Variants in PRR5L observed in about 807,000 individuals in gnomAD.
PRR5L encodes the protein proline-rich protein 5-like.
Under a neutral mutation model 36.4 loss-of-function variants are expected in PRR5L, and 21 were observed. The ratio of observed to expected loss-of-function variants is 0.58; its 90% confidence interval spans 0.41 to 0.83. PRR5L has a LOEUF of 0.83. PRR5L is among the 40% of genes least tolerant of loss of function. The pLI is 0.00. For synonymous variants in PRR5L, 188 were observed against 197.0 expected (o/e 0.95, Z 0.38); for missense variants, 381 against 473.3 (o/e 0.80, Z 1.81).
intron 4 of PRR5L, among the ~76,000 whole-genome samples, chr11:36,431,455 CT>C (rs35379496): frequency 0.1 from 15,762 of 151,092 alleles, 1,090 homozygotes; most frequent in East Asian, 0.19. Flanking sequence ...CTAAATTTAT[CT>C]TTTTTTTTAA....
intron 6 of PRR5L, among the ~76,000 whole-genome samples, chr11:36,443,313 A>G (rs554408517): frequency 6.6e-6 from 1 of 152,284 alleles, no homozygotes; most frequent in East Asian, 1.9e-4. Flanking sequence ...ACTTATCACC[A>G]AGGGGAGGGC....
chr11:36,394,676 TCTC>T (rs748879261), intron 1 of PRR5L, among the ~76,000 whole-genome samples: 8 of 152,162 alleles, frequency 5.3e-5, no homozygotes, highest in Non-Finnish European at 7.3e-5. Flanking sequence ...GTCTGTGTCT[TCTC>T]CTCTTCTGTC....
At chr11:36,353,115 ATTG>A (rs1856992374) in intron 1 of PRR5L, among the ~76,000 whole-genome samples, 1 of 152,162 alleles carries the variant, frequency 6.6e-6, no homozygotes, top group African/African-American at 2.4e-5. Flanking sequence ...TGTCACCCAC[ATTG>A]TAGGATGTTT....
chr11:36,445,117 G>T (rs974223648), intron 6 of PRR5L, among the ~76,000 whole-genome samples: 1 of 152,004 alleles, frequency 6.6e-6, no homozygotes, highest in Non-Finnish European at 1.5e-5. Flanking sequence ...GGATGTGGGG[G>T]GTCAGGGGAT....
At chr11:36,375,198 T>C (rs2133516817) in intron 1 of PRR5L, among the ~76,000 whole-genome samples, 1 of 150,576 alleles carries the variant, frequency 6.6e-6, no homozygotes. Context: ...ATCATGCCAC[T>C]GCACTCCAGC....
At chr11:36,426,486 A>C (rs904145810) in intron 4 of PRR5L, among the ~76,000 whole-genome samples, 6 of 152,252 alleles carry the variant, frequency 3.9e-5, no homozygotes, top group Non-Finnish European at 7.3e-5. Context: ...GTGCCTGATT[A>C]CATAGTGAGC....
chr11:36,375,935 C>T, intron 1 of PRR5L: 1 of 352,040 alleles, frequency 2.8e-6, no homozygotes, highest in Non-Finnish European at 5.6e-6. Context: ...CCACTCCTCT[C>T]TTCAGCTCCG....
At chr11:36,458,679 C>G (rs755489671) in intron 8 of PRR5L, among the ~76,000 whole-genome samples, 2 of 152,224 alleles carry the variant, frequency 1.3e-5, no homozygotes, top group Non-Finnish European at 2.9e-5. Context: ...CTAGAAGTGG[C>G]TGACACACGT....
At chr11:36,300,052 C>G (rs1590419454) in intron 1 of PRR5L, among the ~76,000 whole-genome samples, 1 of 151,904 alleles carries the variant, frequency 6.6e-6, no homozygotes, top group East Asian at 1.9e-4. Context: ...CCCTGCCCCA[C>G]TATAATTTAA....
chr11:36,302,438 T>G (rs977038977), intron 1 of PRR5L, among the ~76,000 whole-genome samples: 1 of 152,162 alleles, frequency 6.6e-6, no homozygotes, highest in Admixed American at 6.5e-5. Flanking sequence ...TAGAGTCTTA[T>G]AAGTTTGGAC....
chr11:36,348,192 C>T (rs1712067968), intron 1 of PRR5L, among the ~76,000 whole-genome samples: 1 of 152,116 alleles, frequency 6.6e-6, no homozygotes, highest in Admixed American at 6.6e-5. Flanking sequence ...CCCTTAACTT[C>T]ACAACATTTC....
At chr11:36,447,854 G>C (rs1858864488) in intron 7 of PRR5L, among the ~76,000 whole-genome samples, 1 of 152,154 alleles carries the variant, frequency 6.6e-6, no homozygotes, top group Non-Finnish European at 1.5e-5. Context: ...GGAGAAGGAG[G>C]GGGATAGAAA....
At chr11:36,306,230 T>C (rs2133451370) in intron 1 of PRR5L, among the ~76,000 whole-genome samples, 1 of 152,334 alleles carries the variant, frequency 6.6e-6, no homozygotes, top group Admixed American at 6.5e-5. Context: ...GTATTTCTCC[T>C]ATCCCTCCCC....
At chr11:36,342,147 A>G (rs1459268551) in intron 1 of PRR5L, among the ~76,000 whole-genome samples, 1 of 152,220 alleles carries the variant, frequency 6.6e-6, no homozygotes, top group Non-Finnish European at 1.5e-5. Context: ...GGCACTCCCC[A>G]TGTCCTACTC....
chr11:36,418,800 AAAT>A (rs1858202939), intron 3 of PRR5L, among the ~76,000 whole-genome samples: 1 of 152,090 alleles, frequency 6.6e-6, no homozygotes, highest in Non-Finnish European at 1.5e-5. Context: ...TGTCTCAAAA[AAAT>A]AATAATAATA....
chr11:36,441,832 G>T (rs1451660883), intron 6 of PRR5L, among the ~76,000 whole-genome samples: 1 of 152,136 alleles, frequency 6.6e-6, no homozygotes, highest in African/African-American at 2.4e-5. Flanking sequence ...TGTAGACTTA[G>T]CACTATGTGG....
chr11:36,417,535 GGT>G (rs71956768), intron 3 of PRR5L, among the ~76,000 whole-genome samples: 44,910 of 151,962 alleles, frequency 0.3, 6,839 homozygotes, highest in East Asian at 0.57. Flanking sequence ...GTGTTGACAG[GGT>G]GGCCCTCCAT....
intron 6 of PRR5L, among the ~76,000 whole-genome samples, chr11:36,443,141 A>G (rs1858758152): frequency 2.0e-5 from 3 of 152,244 alleles, no homozygotes; most frequent in African/African-American, 2.4e-5. Flanking sequence ...GAAACACAGT[A>G]CCAGCATCTG....
intron 1 of PRR5L, among the ~76,000 whole-genome samples, chr11:36,318,406 C>G (rs114098789): frequency 1.3e-5 from 2 of 152,128 alleles, no homozygotes; most frequent in Admixed American, 1.3e-4. Context: ...CTACTAGTTG[C>G]GAACCATTGG....
Sources: gnomAD v4.1 joint callset for allele counts (sites outside exome capture counted in the v4.1 genomes callset) on GRCh38, gnomAD v4.1.1 for gene constraint, MANE v1.5 for transcripts, NCBI Gene and HGNC (gene_info 2026-07-23, HGNC 2026-07-21) for gene names.